The following PHLPP1 variants were observed in gnomAD, a reference collection of about 807,000 sequenced individuals.
PHLPP1 encodes the protein PH domain leucine-rich repeat-containing protein phosphatase 1.
A neutral mutation model predicts 117.2 loss-of-function variants in PHLPP1; 42 were observed. That is an observed-to-expected ratio of 0.36 (90% CI 0.28 to 0.46). The LOEUF is 0.46. Ranked by LOEUF, PHLPP1 falls within the 20% of genes least tolerant of loss-of-function variation. The pLI, the probability that PHLPP1 is intolerant of heterozygous loss-of-function variation, is 1.00. For missense variants in PHLPP1, 2,084 were observed against 2,241.9 expected, an observed-to-expected ratio of 0.93 and a Z score of 1.42; for synonymous variants, 1,042 against 970.7, an observed-to-expected ratio of 1.07 and a Z score of -1.37.
chr18:62,774,502 A>T (rs1172513392), intron 1 of PHLPP1, among the ~76,000 whole-genome samples: 8 of 152,236 alleles, frequency 5.3e-5, no homozygotes, highest in Non-Finnish European at 1.5e-5. Flanking sequence ...TTTGACATAG[A>T]GGTCATTTAG....
chr18:62,784,223 G>C (rs950678411), intron 1 of PHLPP1, among the ~76,000 whole-genome samples: 1 of 152,108 alleles, frequency 6.6e-6, no homozygotes, highest in African/African-American at 2.4e-5. Context: ...ACAAATAGAG[G>C]GATTACTTTG....
chr18:62,964,976 C>T (rs1264108008), intron 14 of PHLPP1, among the ~76,000 whole-genome samples: 1 of 152,172 alleles, frequency 6.6e-6, no homozygotes, highest in East Asian at 1.9e-4. Flanking sequence ...GCAAAGTGCA[C>T]TGCAACCCTT....
chr18:62,785,568 A>G (rs916256268), intron 1 of PHLPP1, among the ~76,000 whole-genome samples: 31 of 152,214 alleles, frequency 2.0e-4, no homozygotes, highest in African/African-American at 7.5e-4. Context: ...AATGGCATTA[A>G]TATAGACTTA....
intron 1 of PHLPP1, among the ~76,000 whole-genome samples, chr18:62,784,068 A>G (rs1217807843): frequency 1.3e-5 from 2 of 151,288 alleles, no homozygotes. Flanking sequence ...TTAAGATTCA[A>G]GACGATGGGG....
chr18:62,833,730 T>C (rs1414198034), intron 2 of PHLPP1, among the ~76,000 whole-genome samples: 1 of 152,224 alleles, frequency 6.6e-6, no homozygotes, highest in Non-Finnish European at 1.5e-5. Flanking sequence ...TTTTCATTTC[T>C]CTATAATGTC....
chr18:62,978,424 G>A lies in PHLPP1; in HGVS notation c.4147G>A (p.Glu1383Lys), dbSNP rs537848010. ...GGGGTTGTGGGACAGCCTGTCCGTC[G>A]AGGAGGCCGTGGAAGCCGTGCGCAA... The part of the protein sequence containing the change: ...SKGLWDSLSV[E>K]EAVEAVRNVP... The change falls in exon 17 of 17, where the codon GAG (glutamate) becomes AAG (lysine). Residue 1383 changes from glutamate to lysine, a missense_variant. This residue lies in a region of PHLPP1 where 1,365 missense variants were observed against 1,605.9 expected (regional missense o/e 0.85). Transcript: ENST00000262719. The surrounding 1 kb of genome is among the most constrained non-coding windows in gnomAD (Gnocchi z 7.0). The A allele has an allele frequency of 1.6e-5, 26 of 1,611,892 alleles. No homozygotes were observed. In the East Asian group the frequency reaches 3.6e-4, roughly 22 times the overall value.
At chr18:62,965,284 A>G (rs1910870066) in intron 14 of PHLPP1, among the ~76,000 whole-genome samples, 1 of 152,054 alleles carries the variant, frequency 6.6e-6, no homozygotes, top group African/African-American at 2.4e-5. Flanking sequence ...GCTGCTTGCC[A>G]CCTTAAAAGA....
At position 62,780,757 on chromosome 18, in the gene PHLPP1, A is replaced by G. The variant is rs78122997; in HGVS notation, c.1577-49278A>G. Among the ~76,000 whole-genome samples the G allele has an allele frequency of 2.7e-3, 411 of 152,298 alleles. 2 individuals carry two copies. Among genetic ancestry groups the G allele is most frequent in the African/African-American group, 9.6e-3 (400 of 41,554 alleles). On this transcript the variant is annotated intron_variant, in intron 1 of 16. Coordinates refer to ENST00000262719, the MANE Select transcript of PHLPP1 (RefSeq NM_194449.4). Reference sequence around the variant, plus strand: ...TGGAGAACCTCTGCTGTAGTTTGTCAAATTCTTTATTTGCATGTGCTGGCA... The same window carrying G: ...TGGAGAACCTCTGCTGTAGTTTGTCGAATTCTTTATTTGCATGTGCTGGCA...
chr18:62,852,404 C>A (rs1198346721), intron 3 of PHLPP1, among the ~76,000 whole-genome samples: 2 of 152,002 alleles, frequency 1.3e-5, no homozygotes, highest in African/African-American at 4.8e-5. Context: ...AGTGCAGTGG[C>A]CCAATCTCGG....
At chr18:62,896,531 G>A (rs796111089) in intron 6 of PHLPP1, among the ~76,000 whole-genome samples, 26 of 152,112 alleles carry the variant, frequency 1.7e-4, no homozygotes, top group African/African-American at 5.8e-4. Context: ...TCCTGACCTC[G>A]TGATCCACCC....
intron 1 of PHLPP1, among the ~76,000 whole-genome samples, chr18:62,751,535 C>A (rs1479800609): frequency 6.6e-6 from 1 of 152,184 alleles, no homozygotes; most frequent in Non-Finnish European, 1.5e-5. Context: ...TTGTATGCTG[C>A]CTAATTATAC....
Position 62,849,824 on chromosome 18 carries a change from A to ATATATATATATATATAT in PHLPP1, c.1900-10611_1900-10610insTATATATATATATATAT, listed in dbSNP as rs1450269021. On this transcript the variant is annotated intron_variant, in intron 3 of 16. Coordinates refer to ENST00000262719, the MANE Select transcript of PHLPP1 (RefSeq NM_194449.4). ...AAAAAAAAAAAAAAAAAAAAAAAAA[A>ATATATATATATATATAT]AAAAAAAAATATATATATCCTTTAA... 2.2e-4 allele frequency among the ~76,000 whole-genome samples: 10 copies of ATATATATATATATATAT among 44,774 alleles called. 1 individual carries two copies. Among genetic ancestry groups the ATATATATATATATATAT allele is most frequent in the South Asian group, 6.7e-4 (1 of 1,488 alleles). The allele number at this position is 44,774 out of a possible 152,430, so 29.4% of individuals were successfully genotyped here.
chr18:62,716,241 G>A lies in PHLPP1; in HGVS notation c.558G>A (p.Gln186=). ...TTCTGAAGCACCGGCAGACGCTGCA[G>A]CTGCAGCCGTCGGACCGGGACTGGG... The part of the protein sequence containing the change: ...TLLLKHRQTL[Q]LQPSDRDWVR... The change falls in exon 1 of 17, where the codon CAG becomes CAA. Residue 186 remains glutamine, a synonymous_variant. Transcript: ENST00000262719. The surrounding 1 kb of genome is among the most constrained non-coding windows in gnomAD (Gnocchi z 5.7). 4 of 1,529,678 alleles carry A rather than the reference G, an allele frequency of 2.6e-6. No individual in the cohort carries two copies. The highest frequency in any genetic ancestry group is 3.5e-6 in the Non-Finnish European group (4 of 1,144,352). 94.8% of individuals were successfully genotyped at this position (1,529,678 alleles called of 1,614,324 possible).
intron 1 of PHLPP1, among the ~76,000 whole-genome samples, chr18:62,735,812 A>G (rs893098303): frequency 6.6e-6 from 1 of 152,158 alleles, no homozygotes; most frequent in African/African-American, 2.4e-5. Flanking sequence ...AGACTAAACC[A>G]GGGTTGTCTG....
intron 10 of PHLPP1, among the ~76,000 whole-genome samples, chr18:62,930,714 C>G (rs1599127056): frequency 6.6e-6 from 1 of 152,222 alleles, no homozygotes; most frequent in African/African-American, 2.4e-5. Flanking sequence ...CTAGAATACT[C>G]TATCCAACAA....
At chr18:62,755,771 A>G (rs981242059) in intron 1 of PHLPP1, among the ~76,000 whole-genome samples, 2 of 152,104 alleles carry the variant, frequency 1.3e-5, no homozygotes, top group African/African-American at 4.8e-5. Flanking sequence ...ACAGATAGAA[A>G]ATTGCTTTAT....
At chr18:62,887,131 T>A (rs1568150361) in intron 4 of PHLPP1, among the ~76,000 whole-genome samples, 1 of 152,196 alleles carries the variant, frequency 6.6e-6, no homozygotes, top group African/African-American at 2.4e-5. Flanking sequence ...GACCTGTGGC[T>A]TAGAATTATG....
rs765159319 is a variant in PHLPP1 at position 62,860,598 on chromosome 18, A to C, written c.2063A>C (p.Gln688Pro). Residue 688 changes from glutamine to proline, a missense_variant, in exon 4 of 17, where the codon CAA becomes CCA. By Grantham distance (76) the Gln-to-Pro change is moderately conservative. Around this residue, in one of 2 missense-constraint regions of PHLPP1, gnomAD observed 1,365 missense variants for 1,605.9 expected, o/e 0.85. Transcript: ENST00000262719. ...LPAARGLNEL[Q>P]RFTKLKSLNL... ...GCTGCCAGGGGGCTTAATGAACTGC[A>C]AAGGTAAGCCTGCAGAAATGGGTAG... 1.2e-6 allele frequency: 2 copies of C among 1,611,734 alleles called. No individual in the cohort carries two copies. The highest frequency in any genetic ancestry group is 1.7e-6 in the Non-Finnish European group (2 of 1,178,832).
At chr18:62,755,766 T>G (rs1381799508) in intron 1 of PHLPP1, among the ~76,000 whole-genome samples, 6 of 152,320 alleles carry the variant, frequency 3.9e-5, no homozygotes, top group Non-Finnish European at 8.8e-5. Context: ...CTAAGACAGA[T>G]AGAAAATTGC....
Sources: allele counts gnomAD v4.1 joint callset (sites outside exome capture counted in the v4.1 genomes callset), GRCh38; gene constraint gnomAD v4.1.1; regional missense constraint gnomAD v4.1.1; non-coding constraint Gnocchi (gnomAD v3.1); transcripts MANE v1.5; gene names NCBI Gene and HGNC (gene_info 2026-07-23, HGNC 2026-07-21).